PALM2AKAP2: variants seen among roughly 807,000 people sequenced by gnomAD.
PALM2AKAP2 encodes PALM2-AKAP2 fusion protein.
PALM2AKAP2 carries 37 observed loss-of-function variants against 71.5 expected under a neutral mutation model. The ratio of observed to expected loss-of-function variants is 0.52; its 90% CI spans 0.40 to 0.68. PALM2AKAP2 has a LOEUF of 0.68. Among genes scored for constraint, PALM2AKAP2 ranks in the 30% least tolerant of loss-of-function variants. PALM2AKAP2 has a pLI of 0.00. For synonymous variants in PALM2AKAP2, 468 were observed against 478.8 expected (o/e 0.98, Z 0.29); for missense variants, 1,224 against 1,191.8 (o/e 1.03, Z -0.40).
At position 110,099,580 on chromosome 9, in the gene PALM2AKAP2, C is replaced by G. The variant is rs116889253; in HGVS notation, c.157-36547C>G. On this transcript the variant is annotated intron_variant, in intron 1 of 3. Transcript: ENST00000374525. ...GCAGCCCAGACAGCACAGGCTTTTC[C>G]TAGCAGATGGGTGGCATTACCTCAC... 7.4e-3 allele frequency among the ~76,000 whole-genome samples: 1,123 copies of G among 152,282 alleles called. 5 individuals are homozygous for G. Among genetic ancestry groups the G allele is most frequent in the Non-Finnish European group, 8.9e-3 (606 of 68,014 alleles).
At chr9:109,662,728 G>C (rs941219053) in intron 1 of PALM2AKAP2, among the ~76,000 whole-genome samples, 2 of 152,154 alleles carry the variant, frequency 1.3e-5, no homozygotes, top group African/African-American at 4.8e-5. Flanking sequence ...GATTGGAATA[G>C]TTTCAGAAGG....
intron 1 of PALM2AKAP2, among the ~76,000 whole-genome samples, chr9:110,077,397 CA>C (rs1391966505): frequency 2.0e-5 from 3 of 152,172 alleles, no homozygotes; most frequent in Non-Finnish European, 4.4e-5. Flanking sequence ...TGACAGTGAG[CA>C]AAACACTTTA....
chr9:109,981,249 A>G, intron 6 of PALM2AKAP2, among the ~76,000 whole-genome samples: 1 of 152,240 alleles, frequency 6.6e-6, no homozygotes, highest in Non-Finnish European at 1.5e-5. Context: ...AGTCACTTAG[A>G]ATTTAAAGCA....
intron 6 of PALM2AKAP2, among the ~76,000 whole-genome samples, chr9:109,935,569 T>C (rs1238469675): frequency 6.6e-6 from 1 of 152,226 alleles, no homozygotes; most frequent in African/African-American, 2.4e-5. Context: ...GAAAATGAGA[T>C]TAATCTGCAT....
chr9:109,723,943 C>A (rs1196772137), intron 1 of PALM2AKAP2, among the ~76,000 whole-genome samples: 1 of 152,072 alleles, frequency 6.6e-6, no homozygotes, highest in Admixed American at 6.5e-5. Flanking sequence ...TATGTCAGGA[C>A]CAGAAGTTTG....
intron 3 of PALM2AKAP2, among the ~76,000 whole-genome samples, chr9:109,885,138 T>C (rs1282736699): frequency 6.6e-6 from 1 of 152,240 alleles, no homozygotes; most frequent in African/African-American, 2.4e-5. Context: ...TGTGATTCTT[T>C]ACAGTGCCAG....
intron 2 of PALM2AKAP2, among the ~76,000 whole-genome samples, chr9:110,151,738 C>T (rs979572796): frequency 6.6e-6 from 1 of 152,062 alleles, no homozygotes; most frequent in Admixed American, 6.6e-5. Flanking sequence ...TAAACTTAAA[C>T]GTTTCCTATC....
intron 6 of PALM2AKAP2, among the ~76,000 whole-genome samples, chr9:110,008,883 G>A (rs967136346): frequency 6.6e-6 from 1 of 151,572 alleles, no homozygotes; most frequent in Admixed American, 6.6e-5. Flanking sequence ...CTGGGCTGGA[G>A]CATTTAACTG....
intron 6 of PALM2AKAP2, among the ~76,000 whole-genome samples, chr9:110,006,720 A>T (rs1281211622): frequency 1.3e-5 from 2 of 152,136 alleles, no homozygotes; most frequent in African/African-American, 4.8e-5. Flanking sequence ...ATATAAATTT[A>T]TATAACATAA....
At chr9:110,003,930 C>T (rs145989959) in intron 6 of PALM2AKAP2, among the ~76,000 whole-genome samples, 1,576 of 152,210 alleles carry the variant, frequency 0.01, 16 homozygotes, top group Non-Finnish European at 0.014. Flanking sequence ...TGTCTCTGCA[C>T]ATGAGGTAGG....
chr9:109,774,709 T>C (rs963264907), intron 1 of PALM2AKAP2, among the ~76,000 whole-genome samples: 5 of 151,852 alleles, frequency 3.3e-5, no homozygotes, highest in Non-Finnish European at 5.9e-5. Flanking sequence ...AATGAAGTCA[T>C]TCACTTAAGT....
At chr9:109,947,865 G>T (rs1006917567) in intron 6 of PALM2AKAP2, among the ~76,000 whole-genome samples, 2 of 152,200 alleles carry the variant, frequency 1.3e-5, no homozygotes, top group African/African-American at 2.4e-5. Context: ...AGACATAGGT[G>T]TTTCAGAAAC....
chr9:109,694,996 G>C (rs1827949890), intron 1 of PALM2AKAP2, among the ~76,000 whole-genome samples: 1 of 152,054 alleles, frequency 6.6e-6, no homozygotes, highest in Admixed American at 6.6e-5. Context: ...ATTTTAAAAA[G>C]TTGGATTCCT....
At chr9:110,016,072 T>C (rs376821344) in intron 7 of PALM2AKAP2, 33 bp downstream of exon 7, 1 of 1,602,202 alleles carries the variant, frequency 6.2e-7, no homozygotes, top group Non-Finnish European at 8.5e-7. Flanking sequence ...ATTCTCAAAG[T>C]GTATCTCTAG....
upstream of PALM2AKAP2, among the ~76,000 whole-genome samples, chr9:109,779,824 C>A (rs1366248097): frequency 1.3e-5 from 2 of 152,190 alleles, no homozygotes; most frequent in African/African-American, 4.8e-5. Context: ...CAGAAGGTGC[C>A]CTGAACACTC....
chr9:109,919,721 A>G (rs753870510), intron 3 of PALM2AKAP2, among the ~76,000 whole-genome samples: 113 of 148,916 alleles, frequency 7.6e-4, no homozygotes, highest in East Asian at 2.0e-3. Flanking sequence ...ATATATATAT[A>G]TGTGTGTATA....
intron 1 of PALM2AKAP2, among the ~76,000 whole-genome samples, chr9:109,695,131 A>G (rs1827951629): frequency 6.6e-6 from 1 of 152,224 alleles, no homozygotes; most frequent in African/African-American, 2.4e-5. Context: ...CTTTGGAAAC[A>G]TGACACAAAA....
At chr9:110,134,548 C>G (rs983409277) in intron 1 of PALM2AKAP2, among the ~76,000 whole-genome samples, 3 of 152,052 alleles carry the variant, frequency 2.0e-5, no homozygotes, top group Non-Finnish European at 4.4e-5. Flanking sequence ...TGAAGGAAAC[C>G]CCCCAGTTCA....
intron 2 of PALM2AKAP2, among the ~76,000 whole-genome samples, chr9:110,150,185 G>C (rs1290327182): frequency 6.6e-6 from 1 of 152,202 alleles, no homozygotes; most frequent in African/African-American, 2.4e-5. Flanking sequence ...TGCAATCCAG[G>C]GAGAGAGCCT....
Sources: gnomAD v4.1 joint callset for allele counts (sites outside exome capture counted in the v4.1 genomes callset) on GRCh38, gnomAD v4.1.1 for gene constraint, MANE v1.5 for transcripts, NCBI Gene and HGNC (gene_info 2026-07-23, HGNC 2026-07-21) for gene names.